LRP1B: variants seen among roughly 807,000 people sequenced by gnomAD.
LRP1B encodes LDL receptor related protein 1B.
Under a neutral mutation model 556.6 loss-of-function variants are expected in LRP1B, and 217 were observed. The ratio of observed to expected loss-of-function variants is 0.39; its 90% CI spans 0.35 to 0.44. The LOEUF is 0.44. LRP1B is among the 20% of genes least tolerant of loss of function. LRP1B has a pLI of 1.00. For synonymous variants in LRP1B, 2,047 were observed against 1,865.8 expected (o/e 1.10, Z -2.50); for missense variants, 5,053 against 5,620.8 (o/e 0.90, Z 3.23).
At position 140,589,099 on chromosome 2, in the gene LRP1B, G is replaced by GA. The variant is rs79925060; in HGVS notation, c.7194+9531dup. ...GAAATGTGAAACTATAACATTTTTA[G>GA]AAAAAATAGAATAAAATCTTTGGAA... is the stretch of plus-strand genomic sequence containing the variant. On this transcript the variant is annotated intron_variant, in intron 43 of 90. Coordinates refer to ENST00000389484, the MANE Select transcript of LRP1B (RefSeq NM_018557.3). Among the ~76,000 whole-genome samples the GA allele has an allele frequency of 8.0e-4, 122 of 152,102 alleles. 3 individuals carry two copies. In the East Asian group the frequency reaches 0.021, roughly 26 times the overall value.
intron 21 of LRP1B, among the ~76,000 whole-genome samples, chr2:140,915,727 A>G (rs1198437799): frequency 1.3e-5 from 2 of 151,838 alleles, no homozygotes; most frequent in East Asian, 3.9e-4. Flanking sequence ...AAAAAGGAGA[A>G]TTGTTTATTC....
intron 1 of LRP1B, among the ~76,000 whole-genome samples, chr2:142,089,490 A>T (rs1706078790): frequency 6.6e-6 from 1 of 152,230 alleles, no homozygotes; most frequent in South Asian, 2.1e-4. Context: ...GCATGTGGGA[A>T]TAAAAGTATC....
At chr2:140,572,871 G>T (rs530263990) in intron 43 of LRP1B, among the ~76,000 whole-genome samples, 2 of 151,384 alleles carry the variant, frequency 1.3e-5, no homozygotes, top group South Asian at 4.2e-4. Flanking sequence ...ATGGAAGTTT[G>T]TAGGACATTA....
At chr2:141,443,513 T>TC (rs1210820488) in intron 3 of LRP1B, among the ~76,000 whole-genome samples, 1 of 152,200 alleles carries the variant, frequency 6.6e-6, no homozygotes, top group African/African-American at 2.4e-5. Flanking sequence ...CCCATTCCTG[T>TC]CCTGAATGGT....
chr2:142,122,659 T>C (rs1707498155), intron 1 of LRP1B, among the ~76,000 whole-genome samples: 1 of 152,122 alleles, frequency 6.6e-6, no homozygotes, highest in South Asian at 2.1e-4. Context: ...TTAATGAAAA[T>C]CTCAAAAATA....
At chr2:141,934,310 G>A (rs1558970890) in intron 1 of LRP1B, among the ~76,000 whole-genome samples, 1 of 151,872 alleles carries the variant, frequency 6.6e-6, no homozygotes, top group Non-Finnish European at 1.5e-5. Context: ...CTAATTGAAT[G>A]ACAGAAGGTA....
intron 1 of LRP1B, among the ~76,000 whole-genome samples, chr2:141,812,787 G>A (rs1373310617): frequency 6.6e-6 from 1 of 152,200 alleles, no homozygotes; most frequent in South Asian, 2.1e-4. Context: ...TTTGACTAAG[G>A]TAATGGGGAA....
At chr2:140,802,723 T>G (rs1483703886) in intron 32 of LRP1B, among the ~76,000 whole-genome samples, 1 of 152,188 alleles carries the variant, frequency 6.6e-6, no homozygotes, top group African/African-American at 2.4e-5. Flanking sequence ...ATTACTTTGC[T>G]GTTATTTCTC....
At chr2:141,984,705 A>G (rs925501846) in intron 1 of LRP1B, among the ~76,000 whole-genome samples, 3 of 152,152 alleles carry the variant, frequency 2.0e-5, no homozygotes, top group African/African-American at 7.2e-5. Flanking sequence ...GCACAAACTC[A>G]AGAGAATGTA....
intron 1 of LRP1B, among the ~76,000 whole-genome samples, chr2:141,955,022 G>T (rs1011735190): frequency 2.0e-5 from 3 of 152,056 alleles, no homozygotes. Context: ...GATGCTATAA[G>T]AACATAAAAG....
At chr2:141,499,594 T>C (rs1683639803) in intron 2 of LRP1B, among the ~76,000 whole-genome samples, 2 of 152,176 alleles carry the variant, frequency 1.3e-5, no homozygotes, top group East Asian at 3.9e-4. Context: ...CTGTGCAACA[T>C]GTCATAATCA....
intron 20 of LRP1B, among the ~76,000 whole-genome samples, chr2:140,943,937 G>T (rs1695471796): frequency 6.6e-6 from 1 of 151,996 alleles, no homozygotes; most frequent in African/African-American, 2.4e-5. Flanking sequence ...AGAACTAAAA[G>T]AAATTTAGAC....
chr2:142,085,764 T>C (rs1441325204), intron 1 of LRP1B, among the ~76,000 whole-genome samples: 2 of 152,210 alleles, frequency 1.3e-5, no homozygotes, highest in Non-Finnish European at 2.9e-5. Flanking sequence ...TTAACTCATA[T>C]CTTCAATCCC....
At chr2:141,167,027 C>T (rs927393399) in intron 7 of LRP1B, among the ~76,000 whole-genome samples, 3 of 151,820 alleles carry the variant, frequency 2.0e-5, no homozygotes, top group Non-Finnish European at 2.9e-5. Flanking sequence ...AGTTGAAACA[C>T]GTTTACTTAG....
intron 77 of LRP1B, among the ~76,000 whole-genome samples, chr2:140,348,687 A>C (rs910320426): frequency 7.2e-5 from 11 of 152,118 alleles, no homozygotes; most frequent in Non-Finnish European, 1.5e-4. Context: ...TTGCCATTGG[A>C]TATGAAAGAT....
chr2:140,553,732 C>T (rs1680630608), intron 43 of LRP1B, among the ~76,000 whole-genome samples: 1 of 151,878 alleles, frequency 6.6e-6, no homozygotes, highest in Admixed American at 6.6e-5. Context: ...ATAGGGACGC[C>T]ATAAGTGATG....
chr2:141,510,313 C>T (rs1684080947), intron 2 of LRP1B, among the ~76,000 whole-genome samples: 1 of 151,486 alleles, frequency 6.6e-6, no homozygotes, highest in Non-Finnish European at 1.5e-5. Flanking sequence ...AATTTAATAA[C>T]TCCATGCATT....
At chr2:141,626,931 C>A (rs1688721644) in intron 2 of LRP1B, among the ~76,000 whole-genome samples, 1 of 152,168 alleles carries the variant, frequency 6.6e-6, no homozygotes, top group African/African-American at 2.4e-5. Flanking sequence ...TATGATTCAA[C>A]ATTTCTGCTC....
intron 2 of LRP1B, among the ~76,000 whole-genome samples, chr2:141,809,046 T>C (rs1165719946): frequency 1.3e-5 from 2 of 152,110 alleles, no homozygotes; most frequent in African/African-American, 4.8e-5. Context: ...GTCTATGCTA[T>C]AAGGAATCTA....
Sources: allele counts gnomAD v4.1 joint callset (sites outside exome capture counted in the v4.1 genomes callset), GRCh38; gene constraint gnomAD v4.1.1; transcripts MANE v1.5; gene names NCBI Gene and HGNC (gene_info 2026-07-23, HGNC 2026-07-21).